The following BNIP3 variants were observed in gnomAD, a reference collection of about 807,000 sequenced individuals.
The protein encoded by BNIP3 is BCL2/adenovirus E1B 19 kDa protein-interacting protein 3.
Under a neutral mutation model 23.9 loss-of-function variants are expected in BNIP3, and 16 were observed. The observed-to-expected ratio is 0.67, with a 90% CI of 0.45 to 1.01. The LOEUF (loss-of-function observed/expected upper bound fraction) is 1.01. BNIP3 is among the 50% of genes least tolerant of loss of function. The probability of loss-of-function intolerance (pLI) is 0.00; values close to 1 mark genes in which losing one functional copy is unlikely to be tolerated. For synonymous variants in BNIP3, 81 were observed against 89.3 expected (o/e 0.91, Z 0.53); for missense variants, 198 against 248.7 (o/e 0.80, Z 1.37).
At chr10:131,974,687 C>CTCA (rs1242263333) in intron 1 of BNIP3, among the ~76,000 whole-genome samples, 1 of 152,236 alleles carries the variant, frequency 6.6e-6, no homozygotes, top group African/African-American at 2.4e-5. Flanking sequence ...GCCTCTATGA[C>CTCA]TTGCATCGTG....
Position 131,970,567 on chromosome 10 carries a change from G to A in BNIP3, c.539+71C>T, listed in dbSNP as rs1278698508. On this transcript the variant is annotated intron_variant, in intron 5 of 5. Coordinates refer to ENST00000368636, the MANE Select transcript of BNIP3 (RefSeq NM_004052.4). The surrounding 1 kb of genome is among the most constrained non-coding windows in gnomAD (Gnocchi z 4.1). ...ATCTGGACTTCAGGAAACAGGTTAC[G>A]AATAAATCACTGCAACCCAGAATCG... is the stretch of plus-strand genomic sequence containing the variant. 9.0e-5 allele frequency: 139 copies of A among 1,549,788 alleles called. 2 individuals are homozygous for A. The highest frequency in any genetic ancestry group is 8.0e-4 in the South Asian group (66 of 82,942).
chr10:131,967,755 G>C lies in BNIP3; in HGVS notation c.*769C>G, dbSNP rs2036984567. 6.6e-6 allele frequency: 1 copy of C among 152,556 alleles called. No individual in the cohort carries two copies. The highest frequency in any genetic ancestry group is 2.4e-5 in the African/African-American group (1 of 41,530). The allele number at this position is 152,556 out of a possible 1,614,324, so 9.5% of individuals were successfully genotyped here. On this transcript the variant is annotated 3_prime_UTR_variant, in exon 6 of 6. Coordinates refer to ENST00000368636, the MANE Select transcript of BNIP3 (RefSeq NM_004052.4). Reference sequence around the variant, plus strand: ...TTTAAAGTAGACACAGATTTGCTTAGAATAAAGCTGATTTTAAAAGCACAC... The same window carrying C: ...TTTAAAGTAGACACAGATTTGCTTACAATAAAGCTGATTTTAAAAGCACAC...
intron 3 of BNIP3, chr10:131,971,295 A>C (rs1333689687): frequency 1.7e-5 from 6 of 343,398 alleles, no homozygotes; most frequent in Non-Finnish European, 2.7e-5. Context: ...AAGTCACGTG[A>C]CATGAGGGCA....
chr10:131,980,397 T>C (rs1162300651), intron 1 of BNIP3: 3 of 152,160 alleles, frequency 2.0e-5, no homozygotes, highest in Non-Finnish European at 4.4e-5. Flanking sequence ...AAATAGTAAT[T>C]AGCCAATGTT....
rs1296848470 is a variant in BNIP3 at position 131,967,975 on chromosome 10, C to G, written c.*549G>C. On this transcript the variant is annotated 3_prime_UTR_variant, in exon 6 of 6. Transcript: ENST00000368636. ...TGTACAGCTGAGTTTGTAGCTCTAT[C>G]TTGGTTTCTGTTGATTATGAACAAT... The G allele has an allele frequency of 1.3e-5, 2 of 152,602 alleles. No homozygotes were observed. The highest frequency in any genetic ancestry group is 2.9e-5 in the Non-Finnish European group (2 of 68,372). 9.5% of individuals were successfully genotyped at this position (152,602 alleles called of 1,614,324 possible).
In BNIP3 at chr10:131,969,034, A is replaced by G. The variant is rs538064509; in HGVS notation, c.540-465T>C. 2.5e-3 allele frequency: 402 copies of G among 159,552 alleles called. 5 individuals are homozygous for G. Among genetic ancestry groups the G allele is most frequent in the African/African-American group, 9.1e-3 (379 of 41,718 alleles). 9.9% of individuals were successfully genotyped at this position (159,552 alleles called of 1,614,324 possible). A position where few individuals can be genotyped will look rare whatever the true frequency, so the allele number is the denominator to read the frequency against. On this transcript the variant is annotated intron_variant, in intron 5 of 5. Coordinates refer to ENST00000368636, the MANE Select transcript of BNIP3 (RefSeq NM_004052.4). ...GAGTGTCAGAAAAGGCTTTTCGGCA[A>G]TAGAGAGGCTCGCTCCAGCTGACCA...
At chr10:131,974,482 G>T (rs2037065080) in intron 1 of BNIP3, among the ~76,000 whole-genome samples, 2 of 152,138 alleles carry the variant, frequency 1.3e-5, no homozygotes, top group Admixed American at 6.5e-5. Context: ...CAAACTCCTG[G>T]GTTCAGGCCA....
At position 131,981,771 on chromosome 10, in the gene BNIP3, C is replaced by T; in HGVS notation, c.36G>A (p.Glu12=). ...CCTCCTCCGCCTCACCCTGCAGGCT[C>T]TCCTCCTGCATCCCGGGCGCTCCGT... ...SQNGAPGMQE[E]SLQGSWVELH... Residue 12 remains glutamate, a synonymous_variant, in exon 1 of 6, where the codon GAG becomes GAA. Transcript: ENST00000368636. 1 of 1,478,300 alleles carries T rather than the reference C, an allele frequency of 6.8e-7. No individual in the cohort carries two copies. Among genetic ancestry groups the T allele is most frequent in the Non-Finnish European group, 8.9e-7 (1 of 1,119,752 alleles). The allele number at this position is 1,478,300 out of a possible 1,614,324, so 91.6% of individuals were successfully genotyped here. A position where few individuals can be genotyped will look rare whatever the true frequency, so the allele number is the denominator to read the frequency against.
In BNIP3 at chr10:131,973,087, T is replaced by C. The variant is rs758652406; in HGVS notation, c.229A>G (p.Asn77Asp). The change falls in exon 3 of 6, where the codon AAC becomes GAC. Residue 77 changes from asparagine to aspartate, a missense_variant. By Grantham distance (23) the Asn-to-Asp change is conservative (BLOSUM62 1). Coordinates refer to ENST00000368636, the MANE Select transcript of BNIP3 (RefSeq NM_004052.4). ...TGGGTATCTGTTTCAGAAGCTCTGT[T>C]GGTATCTTGTGGTGTCTGCGAGCGA... is the stretch of plus-strand genomic sequence containing the variant. Reference protein sequence around the residue: ...PPRSQTPQDTNRASETDTHSI... With the variant: ...PPRSQTPQDTDRASETDTHSI... The C allele has an allele frequency of 8.7e-6, 14 of 1,613,836 alleles. No individual in the cohort carries two copies. The Admixed American group carries it at 2.2e-4, about 25-fold the overall frequency.
chr10:131,971,653 C>CA (rs45564544), intron 3 of BNIP3: 16,513 of 151,082 alleles, frequency 0.11, 969 homozygotes, highest in Non-Finnish European at 0.14. Flanking sequence ...GACCCTGTCT[C>CA]AAAAAAAAAG....
intron 1 of BNIP3, chr10:131,980,302 G>C (rs2037109648): frequency 6.6e-6 from 1 of 152,150 alleles, no homozygotes; most frequent in Non-Finnish European, 1.5e-5. Context: ...GAAAATGGGT[G>C]ATTTTATGGC....
intron 3 of BNIP3, 147 bp downstream of exon 3, chr10:131,972,883 GTTTT>G (rs2037047507): frequency 2.8e-6 from 2 of 724,308 alleles, no homozygotes; most frequent in Non-Finnish European, 4.4e-6. Flanking sequence ...CAGTTTCTTG[GTTTT>G]TTTGTTTCGC....
In BNIP3 at chr10:131,973,900, G is replaced by T; in HGVS notation, c.90C>A (p.Gly30=). ...AAATAGAAACCGAGGCTGGAACGCTGCCCCCGTTCCCATTATTGCTGAAGT... is the reference window on the plus strand; with the variant it reads ...AAATAGAAACCGAGGCTGGAACGCTTCCCCCGTTCCCATTATTGCTGAAGT... ...ELHFSNNGNG[G]SVPASVSIYN... is the part of the protein sequence containing the mutation. Residue 30 remains glycine (G), a synonymous_variant, in exon 2 of 6, where the codon GGC becomes GGA. Coordinates refer to ENST00000368636, the MANE Select transcript of BNIP3 (RefSeq NM_004052.4). 1 of 1,613,606 alleles carries T rather than the reference G, an allele frequency of 6.2e-7. No individual in the cohort carries two copies. Among genetic ancestry groups the T allele is most frequent in the Non-Finnish European group, 8.5e-7 (1 of 1,180,040 alleles).
At chr10:131,981,718 C>G (rs1319463449) in intron 1 of BNIP3, 43 bp downstream of exon 1, 10 of 1,461,362 alleles carry the variant, frequency 6.8e-6, no homozygotes, top group Non-Finnish European at 9.0e-6. Flanking sequence ...CCAGGCTTCC[C>G]CCCCGCGCCC....
chr10:131,972,760 G>GT (rs2037046045), intron 3 of BNIP3, among the ~76,000 whole-genome samples: 3 of 152,210 alleles, frequency 2.0e-5, no homozygotes, highest in Admixed American at 2.0e-4. Flanking sequence ...CCTTTCCGGT[G>GT]TATCCCTGAT....
In BNIP3 at chr10:131,976,128, CCT is replaced by C. The variant is rs2037076591; in HGVS notation, c.47-2187_47-2186del. On this transcript the variant is annotated intron_variant, in intron 1 of 5. Transcript: ENST00000368636. This position sits in a 1 kb window ranked among gnomAD's most constrained non-coding sequence, Gnocchi z 4.3. ...TGCCCCTGAGAGAACGGCACCACAG[CCT>C]CTGTTTTGGCCAGCTGTCTTTCTCC... Among the ~76,000 whole-genome samples the C allele has an allele frequency of 6.6e-6, 1 of 152,220 alleles. No individual in the cohort carries two copies. Among genetic ancestry groups the C allele is most frequent in the South Asian group, 2.1e-4 (1 of 4,828 alleles).
chr10:131,976,582 C>T lies in BNIP3; in HGVS notation c.47-2639G>A, dbSNP rs929808693. On this transcript the variant is annotated intron_variant, in intron 1 of 5. Transcript: ENST00000368636. The surrounding 1 kb of genome is among the most constrained non-coding windows in gnomAD (Gnocchi z 4.3). ...GCAGACAAATGGAAATGACATACAG[C>T]CCAGATCCCCACCTACCCCACACGT... Among the ~76,000 whole-genome samples the T allele has an allele frequency of 1.3e-5, 2 of 152,152 alleles. No individual in the cohort carries two copies. Among genetic ancestry groups the T allele is most frequent in the African/African-American group, 2.4e-5 (1 of 41,440 alleles).
chr10:131,975,030 C>G (rs2037069403), intron 1 of BNIP3, among the ~76,000 whole-genome samples: 1 of 152,200 alleles, frequency 6.6e-6, no homozygotes, highest in African/African-American at 2.4e-5. Flanking sequence ...CTGATGTCTT[C>G]TGATGTACAG....
At chr10:131,975,352 T>G (rs1009244466) in intron 1 of BNIP3, among the ~76,000 whole-genome samples, 3 of 152,206 alleles carry the variant, frequency 2.0e-5, no homozygotes, top group Non-Finnish European at 2.9e-5. Context: ...GGTAGGAGCT[T>G]CCTCTGGTAG....
Sources: allele counts gnomAD v4.1 joint callset (sites outside exome capture counted in the v4.1 genomes callset), GRCh38; gene constraint gnomAD v4.1.1; non-coding constraint Gnocchi (gnomAD v3.1); transcripts MANE v1.5; gene names NCBI Gene and HGNC (gene_info 2026-07-23, HGNC 2026-07-21).